SNED1: variants seen among roughly 807,000 people sequenced by gnomAD.
SNED1 encodes sushi, nidogen and EGF-like domain-containing protein 1.
SNED1 carries 81 observed loss-of-function variants against 166.7 expected under a neutral mutation model. The ratio of observed to expected loss-of-function variants is 0.49; its 90% CI spans 0.41 to 0.58. The LOEUF is 0.58. Among genes scored for constraint, SNED1 ranks in the 20% least tolerant of loss-of-function variants. SNED1 has a pLI of 0.00. For synonymous variants in SNED1, 762 were observed against 822.0 expected, an observed-to-expected ratio of 0.93 and a Z score of 1.25; for missense variants, 1,604 against 2,000.2, an observed-to-expected ratio of 0.80 and a Z score of 3.78.
rs989630770 is a variant in SNED1 at position 241,068,060 on chromosome 2, G to A, written c.3194+113G>A. 1.2e-5 allele frequency: 12 copies of A among 995,522 alleles called. No homozygotes were observed. Among genetic ancestry groups the A allele is most frequent in the African/African-American group, 8.1e-5 (5 of 61,846 alleles). The allele number at this position is 995,522 out of a possible 1,614,324, so 61.7% of individuals were successfully genotyped here. A position where few individuals can be genotyped will look rare whatever the true frequency, so the allele number is the denominator to read the frequency against. ...CCGTGTGTGGACTGTACCACCTGCC[G>A]CTCCTCACCTGAGCGGAGACAAAGG... is the stretch of plus-strand genomic sequence containing the variant. On this transcript the variant is annotated intron_variant, in intron 22 of 31. Coordinates refer to ENST00000310397, the MANE Select transcript of SNED1 (RefSeq NM_001080437.3). This position sits in a 1 kb window ranked among gnomAD's most constrained non-coding sequence, Gnocchi z 5.3.
At chr2:241,029,049 C>A (rs1264510053) in intron 1 of SNED1, among the ~76,000 whole-genome samples, 2 of 152,194 alleles carry the variant, frequency 1.3e-5, no homozygotes, top group Non-Finnish European at 2.9e-5. Context: ...CCCCTTAGTG[C>A]CCGTTCCAGG....
intron 30 of SNED1, chr2:241,088,084 G>A (rs1279887603): frequency 4.1e-6 from 2 of 483,602 alleles, no homozygotes; most frequent in African/African-American, 4.0e-5. Flanking sequence ...CCCTAGGGTA[G>A]CTTTTGCTTG....
intron 8 of SNED1, among the ~76,000 whole-genome samples, chr2:241,047,593 T>G (rs1390919811): frequency 2.0e-5 from 3 of 152,232 alleles, no homozygotes; most frequent in Admixed American, 1.3e-4. Context: ...GATTGTGTTT[T>G]CTGACCATAG....
chr2:241,027,317 G>A (rs894718878), intron 1 of SNED1, among the ~76,000 whole-genome samples: 2 of 152,144 alleles, frequency 1.3e-5, no homozygotes, highest in Non-Finnish European at 2.9e-5. Context: ...CTGACCTCAG[G>A]TGATCCACCT....
At chr2:241,089,304 G>A (rs1288448592) in intron 31 of SNED1, 1 of 1,550,178 alleles carries the variant, frequency 6.5e-7, no homozygotes, top group East Asian at 2.4e-5. Flanking sequence ...TGGTGGCGCA[G>A]ATGAGTGAGG....
chr2:241,023,888 C>CTTTTTTTTTTTTTTTT (rs34234341), intron 1 of SNED1, among the ~76,000 whole-genome samples: 35 of 91,998 alleles, frequency 3.8e-4, no homozygotes, highest in African/African-American at 6.1e-4. Flanking sequence ...TTTTTTTTTC[C>CTTTTTTTTTTTTTTTT]TTTTTTTTTT....
intron 24 of SNED1, chr2:241,071,355 C>T (rs939514461): frequency 3.5e-5 from 21 of 601,474 alleles, no homozygotes; most frequent in Admixed American, 3.1e-4. Flanking sequence ...GTCATGGCTG[C>T]GCATGGCTCC....
Position 241,018,816 on chromosome 2 carries a change from G to T in SNED1, c.214-11468G>T, listed in dbSNP as rs1014538340. ...GAACCCAGGTGGCCGAACCAGAGCT[G>T]AGTGAATTCCTGAGGCCCCTTTTTG... is the stretch of plus-strand genomic sequence containing the variant. On this transcript the variant is annotated intron_variant, in intron 1 of 31. Transcript: ENST00000310397. This position sits in a 1 kb window ranked among gnomAD's most constrained non-coding sequence, Gnocchi z 5.4. 2.0e-5 allele frequency among the ~76,000 whole-genome samples: 3 copies of T among 152,188 alleles called. No homozygotes were observed. Among genetic ancestry groups the T allele is most frequent in the Non-Finnish European group, 1.5e-5 (1 of 68,044 alleles).
rs374581101 is a variant in SNED1, at chr2:241,065,372, C to T, written c.2787C>T (p.Pro929=). The change falls in exon 21 of 32, where the codon CCC becomes CCT. Residue 929 remains proline, a synonymous_variant. Transcript: ENST00000310397. ...GGGTCTCTATCTCCTGGAACCCGCC[C>T]AATGGTCCAGCCGCCAGGCAGATGC... ...ESGVSISWNP[P]NGPAARQMLD... The T allele has an allele frequency of 8.7e-6, 14 of 1,613,014 alleles. No homozygotes were observed. Among genetic ancestry groups the T allele is most frequent in the Middle Eastern group, 1.6e-4 (1 of 6,084 alleles).
intron 24 of SNED1, 29 bp from the exon 25 acceptor site, chr2:241,071,547 C>T: frequency 1.3e-6 from 2 of 1,567,102 alleles, no homozygotes; most frequent in Non-Finnish European, 1.7e-6. Flanking sequence ...CAGCCCCAGA[C>T]CAGCCCCTTC....
chr2:241,078,396 AAAG>A (rs1293984165), intron 27 of SNED1, among the ~76,000 whole-genome samples: 23 of 148,938 alleles, frequency 1.5e-4, no homozygotes, highest in East Asian at 4.1e-4. Flanking sequence ...AAAAAAAAAA[AAAG>A]AAAGAAAGAA....
chr2:241,079,634 CAAA>C (rs1021160293), intron 27 of SNED1, among the ~76,000 whole-genome samples: 1 of 150,620 alleles, frequency 6.6e-6, no homozygotes, highest in African/African-American at 2.4e-5. Flanking sequence ...ACTTTAGAAC[CAAA>C]AAAAAGGTTT....
chr2:240,998,968 C>A lies in SNED1; in HGVS notation c.131C>A (p.Pro44His). Reference protein sequence around the residue: ...FGAERGDAVTPKQDDGGSGLR... With the variant: ...FGAERGDAVTHKQDDGGSGLR... ...GCCGAGCGCGGCGACGCCGTCACCC[C>A]CAAGCAGGACGACGGCGGCTCGGGG... is the stretch of plus-strand genomic sequence containing the variant. Residue 44 changes from proline (P) to histidine (H), a missense_variant, in exon 1 of 32, where the codon CCC becomes CAC. By Grantham distance (77) the Pro-to-His change is moderately conservative (BLOSUM62 -2). This residue lies in a region of SNED1 where 1,237 missense variants were observed against 1,620.8 expected (regional missense o/e 0.76). Coordinates refer to ENST00000310397, the MANE Select transcript of SNED1 (RefSeq NM_001080437.3). The A allele has an allele frequency of 7.6e-7, 1 of 1,323,938 alleles. No individual in the cohort carries two copies. Among genetic ancestry groups the A allele is most frequent in the East Asian group, 3.3e-5 (1 of 30,246 alleles). 82.0% of individuals were successfully genotyped at this position (1,323,938 alleles called of 1,614,324 possible).
At chr2:241,057,998 G>A (rs1575013345) in intron 16 of SNED1, among the ~76,000 whole-genome samples, 1 of 152,102 alleles carries the variant, frequency 6.6e-6, no homozygotes. Context: ...AAATATGAAT[G>A]GACTAACTCT....
rs377055506 is a variant in SNED1, at chr2:241,030,505, T to C, written c.435T>C (p.Asn145=). 15 of 1,613,836 alleles carry C rather than the reference T, an allele frequency of 9.3e-6. No homozygotes were observed. The highest frequency in any genetic ancestry group is 1.3e-5 in the Non-Finnish European group (15 of 1,179,898). Reference sequence around the variant, plus strand: ...ACTTCCCCGAGCTCCTGGACTTCAATGCCACCTGGGTTTTTGTTGCCACCT... The same window carrying C: ...ACTTCCCCGAGCTCCTGGACTTCAACGCCACCTGGGTTTTTGTTGCCACCT... ...RHYFPELLDF[N]ATWVFVATWY... The change falls in exon 2 of 32, where the codon AAT becomes AAC. Residue 145 remains asparagine, a synonymous_variant. Transcript: ENST00000310397.
At position 241,051,949 on chromosome 2, in the gene SNED1, G is replaced by T; in HGVS notation, c.1852+89G>T. On this transcript the variant is annotated intron_variant, in intron 13 of 31. Coordinates refer to ENST00000310397, the MANE Select transcript of SNED1 (RefSeq NM_001080437.3). This position sits in a 1 kb window ranked among gnomAD's most constrained non-coding sequence, Gnocchi z 4.7. ...GATGCACCCTCCCTGCCAGCTGTGGGTCTGCTTCTCATGAAGAGGCCCCAG... is the reference window on the plus strand; with the variant it reads ...GATGCACCCTCCCTGCCAGCTGTGGTTCTGCTTCTCATGAAGAGGCCCCAG... The T allele has an allele frequency of 6.7e-7, 1 of 1,482,386 alleles. No homozygotes were observed. Among genetic ancestry groups the T allele is most frequent in the South Asian group, 1.2e-5 (1 of 83,090 alleles). 91.8% of individuals were successfully genotyped at this position (1,482,386 alleles called of 1,614,324 possible).
intron 8 of SNED1, among the ~76,000 whole-genome samples, chr2:241,044,175 A>G (rs1459631979): frequency 1.3e-5 from 2 of 152,262 alleles, no homozygotes; most frequent in Non-Finnish European, 2.9e-5. Flanking sequence ...AAAAGCCGAT[A>G]GCAAGATGAT....
At chr2:241,021,134 A>G (rs916678824) in intron 1 of SNED1, among the ~76,000 whole-genome samples, 3 of 152,162 alleles carry the variant, frequency 2.0e-5, no homozygotes, top group Non-Finnish European at 2.9e-5. Context: ...GTCCGGGACC[A>G]CAAGAGTAGA....
At chr2:241,016,850 C>CTTT (rs5839783) in intron 1 of SNED1, among the ~76,000 whole-genome samples, 20 of 125,782 alleles carry the variant, frequency 1.6e-4, no homozygotes, top group South Asian at 2.5e-4. Context: ...TTCTTTCTTT[C>CTTT]TTTTTTTTTT....
Sources: allele counts gnomAD v4.1 joint callset (sites outside exome capture counted in the v4.1 genomes callset), GRCh38; gene constraint gnomAD v4.1.1; regional missense constraint gnomAD v4.1.1; non-coding constraint Gnocchi (gnomAD v3.1); transcripts MANE v1.5; gene names NCBI Gene and HGNC (gene_info 2026-07-23, HGNC 2026-07-21).